Variants in MACROD2 observed in about 807,000 individuals in gnomAD.
The protein encoded by MACROD2 is ADP-ribose glycohydrolase MACROD2.
A neutral mutation model predicts 70.4 loss-of-function variants in MACROD2; 36 were observed. That is an observed-to-expected ratio of 0.51 (90% CI 0.39 to 0.68). The LOEUF is 0.68. MACROD2 is among the 30% of genes least tolerant of loss of function. MACROD2 has a pLI of 0.00. For synonymous variants in MACROD2, 172 were observed against 178.8 expected, an observed-to-expected ratio of 0.96 and a Z score of 0.30; for missense variants, 496 against 538.4, an observed-to-expected ratio of 0.92 and a Z score of 0.78.
At chr20:14,082,354 ATTT>A (rs199540255) in intron 2 of MACROD2, among the ~76,000 whole-genome samples, 1 of 88,210 alleles carries the variant, frequency 1.1e-5, no homozygotes, top group Admixed American at 1.1e-4. Context: ...AATTTTTTGT[ATTT>A]TTTTTTTTTT....
rs1467988667 is a variant in MACROD2 at position 14,798,448 on chromosome 20, G to GA, written c.418+113495dup. Among the ~76,000 whole-genome samples the GA allele has an allele frequency of 8.5e-5, 13 of 152,106 alleles. 2 individuals carry two copies. The highest frequency in any genetic ancestry group is 3.1e-4 in the African/African-American group (13 of 41,510). On this transcript the variant is annotated intron_variant, in intron 5 of 17. Coordinates refer to ENST00000684519, the MANE Select transcript of MACROD2 (RefSeq NM_001351661.2). ...CTATTTGTAGCTGAAGTCTCTGCCA[G>GA]AAAAAAGTATTCATCATGTGTGTAA...
chr20:14,880,016 G>A (rs1177246431), intron 5 of MACROD2, among the ~76,000 whole-genome samples: 1 of 152,164 alleles, frequency 6.6e-6, no homozygotes, highest in Non-Finnish European at 1.5e-5. Context: ...AGCAGAGTAT[G>A]CATCGTGCTT....
intron 4 of MACROD2, among the ~76,000 whole-genome samples, chr20:14,516,604 A>G (rs918403838): frequency 6.6e-6 from 1 of 152,134 alleles, no homozygotes; most frequent in Non-Finnish European, 1.5e-5. Flanking sequence ...CAAAGATCAG[A>G]TGGTTGTAGA....
At chr20:15,121,692 T>C (rs933081247) in intron 5 of MACROD2, among the ~76,000 whole-genome samples, 3 of 152,174 alleles carry the variant, frequency 2.0e-5, no homozygotes, top group Non-Finnish European at 2.9e-5. Flanking sequence ...TTTATCTTCA[T>C]TTTAAACATA....
chr20:15,563,272 C>T (rs928155338), intron 8 of MACROD2, among the ~76,000 whole-genome samples: 7 of 152,164 alleles, frequency 4.6e-5, no homozygotes, highest in Admixed American at 3.9e-4. Context: ...TGTGCAACCC[C>T]CTTCTTCTGT....
intron 3 of MACROD2, among the ~76,000 whole-genome samples, chr20:14,485,842 A>T (rs1238973223): frequency 6.6e-6 from 1 of 151,686 alleles, no homozygotes; most frequent in East Asian, 1.9e-4. Flanking sequence ...ATATAAATAT[A>T]ATTTATTATA....
chr20:15,519,006 G>C (rs2047607462), intron 8 of MACROD2, among the ~76,000 whole-genome samples: 1 of 152,128 alleles, frequency 6.6e-6, no homozygotes, highest in African/African-American at 2.4e-5. Context: ...ATTGTGCTAA[G>C]TGTGAATTCT....
intron 3 of MACROD2, among the ~76,000 whole-genome samples, chr20:14,101,593 G>A (rs904443927): frequency 6.6e-6 from 1 of 152,056 alleles, no homozygotes; most frequent in Non-Finnish European, 1.5e-5. Context: ...TGAAGTTAAA[G>A]TATTAATCAC....
intron 6 of MACROD2, among the ~76,000 whole-genome samples, chr20:15,403,428 G>A (rs1600361120): frequency 7.4e-6 from 1 of 136,046 alleles, no homozygotes; most frequent in Non-Finnish European, 1.7e-5. Context: ...GAAGAAGAAG[G>A]AGGAGGAGGA....
intron 15 of MACROD2, among the ~76,000 whole-genome samples, chr20:15,988,526 G>C (rs1432544039): frequency 2.6e-5 from 4 of 152,060 alleles, no homozygotes; most frequent in African/African-American, 9.7e-5. Context: ...CTGGCATTCG[G>C]CACATTGACA....
chr20:15,375,542 A>C (rs904752533), intron 6 of MACROD2, among the ~76,000 whole-genome samples: 13 of 152,166 alleles, frequency 8.5e-5, no homozygotes, highest in Non-Finnish European at 5.9e-5. Flanking sequence ...CCAAATGGTA[A>C]TTTGTGAGGT....
At chr20:14,804,866 T>C (rs2072619994) in intron 5 of MACROD2, among the ~76,000 whole-genome samples, 1 of 151,002 alleles carries the variant, frequency 6.6e-6, no homozygotes, top group African/African-American at 2.5e-5. Flanking sequence ...GGTGTGTGTG[T>C]GTGTGTGCTT....
intron 3 of MACROD2, among the ~76,000 whole-genome samples, chr20:14,169,950 G>A (rs1201284292): frequency 6.6e-6 from 1 of 151,948 alleles, no homozygotes; most frequent in African/African-American, 2.4e-5. Context: ...CTGGAGTGCT[G>A]TGGTGCAATC....
At chr20:15,342,742 G>A (rs1165208479) in intron 6 of MACROD2, among the ~76,000 whole-genome samples, 1 of 152,160 alleles carries the variant, frequency 6.6e-6, no homozygotes, top group Non-Finnish European at 1.5e-5. Flanking sequence ...GAGAAAGCAA[G>A]AAAAGAGTGA....
intron 5 of MACROD2, among the ~76,000 whole-genome samples, chr20:15,017,285 G>T (rs1271088703): frequency 6.6e-6 from 1 of 152,170 alleles, no homozygotes; most frequent in African/African-American, 2.4e-5. Context: ...ATCCAGCGGG[G>T]CAGTCAAATC....
At chr20:15,739,881 C>CT (rs1205425191) in intron 8 of MACROD2, among the ~76,000 whole-genome samples, 1 of 152,166 alleles carries the variant, frequency 6.6e-6, no homozygotes, top group East Asian at 1.9e-4. Flanking sequence ...CCTTCAAGGA[C>CT]TGATGTAAAG....
At chr20:14,087,941 T>A (rs1050634510) in intron 3 of MACROD2, among the ~76,000 whole-genome samples, 2 of 152,078 alleles carry the variant, frequency 1.3e-5, no homozygotes, top group Non-Finnish European at 2.9e-5. Context: ...TTTATATATA[T>A]ACACACATAT....
chr20:15,239,347 T>TG lies in MACROD2; in HGVS notation c.540+9287dup, dbSNP rs556842310. ...AAAGAAAGCTTTCTTGACTTGTTTA[T>TG]GTACAATTCAATGGAGTTGCAAAGA... On this transcript the variant is annotated intron_variant, in intron 6 of 17. Transcript: ENST00000684519. Among the ~76,000 whole-genome samples the TG allele has an allele frequency of 2.0e-3, 305 of 152,236 alleles. 2 individuals are homozygous for TG. The highest frequency in any genetic ancestry group is 6.9e-3 in the African/African-American group (286 of 41,548).
At chr20:15,499,708 C>A in intron 7 of MACROD2, 66 bp from the exon 8 acceptor site, 2 of 1,423,178 alleles carry the variant, frequency 1.4e-6, no homozygotes, top group Non-Finnish European at 2.0e-6. Flanking sequence ...AGTATCATAG[C>A]GTGATTAGCC....
Sources: allele counts gnomAD v4.1 joint callset (sites outside exome capture counted in the v4.1 genomes callset), GRCh38; gene constraint gnomAD v4.1.1; transcripts MANE v1.5; gene names NCBI Gene and HGNC (gene_info 2026-07-23, HGNC 2026-07-21).